GLI3: variants seen among roughly 807,000 people sequenced by gnomAD.
The protein encoded by GLI3 is transcription activator GLI3.
Under a neutral mutation model 100.8 loss-of-function variants are expected in GLI3, and 20 were observed. The ratio of observed to expected loss-of-function variants is 0.20; its 90% CI spans 0.14 to 0.29. GLI3 has a LOEUF of 0.29. Ranked by LOEUF, GLI3 falls within the 10% of genes least tolerant of loss-of-function variation. The probability of loss-of-function intolerance (pLI) is 1.00; values close to 1 mark genes in which losing one functional copy is unlikely to be tolerated. For missense variants in GLI3, 2,040 were observed against 2,128.5 expected (o/e 0.96, Z 0.82); for synonymous variants, 938 against 860.5 (o/e 1.09, Z -1.58).
intron 2 of GLI3, among the ~76,000 whole-genome samples, chr7:42,215,105 CA>C (rs1171678769): frequency 6.6e-6 from 1 of 151,980 alleles, no homozygotes; most frequent in Non-Finnish European, 1.5e-5. Context: ...TGCTTTCTAT[CA>C]TTACTGGGGA....
intron 4 of GLI3, among the ~76,000 whole-genome samples, chr7:42,064,869 C>CT (rs1784643307): frequency 6.6e-6 from 1 of 152,150 alleles, no homozygotes; most frequent in South Asian, 2.1e-4. Flanking sequence ...TGTTTATTTG[C>CT]TAAATGGAAC....
At chr7:42,098,944 G>C (rs1410481976) in intron 3 of GLI3, among the ~76,000 whole-genome samples, 1 of 152,116 alleles carries the variant, frequency 6.6e-6, no homozygotes, top group Non-Finnish European at 1.5e-5. Flanking sequence ...GACCCTTGTG[G>C]GTGATCCTAA....
chr7:42,134,845 GA>G (rs1406236903), intron 3 of GLI3, among the ~76,000 whole-genome samples: 1 of 152,052 alleles, frequency 6.6e-6, no homozygotes, highest in Non-Finnish European at 1.5e-5. Flanking sequence ...ATAAATTAAT[GA>G]AAGTCAGGCA....
intron 6 of GLI3, among the ~76,000 whole-genome samples, chr7:42,043,978 G>A (rs1486897510): frequency 6.6e-6 from 1 of 152,132 alleles, no homozygotes; most frequent in African/African-American, 2.4e-5. Flanking sequence ...TGAAGAAGAC[G>A]TAACACATTT....
intron 2 of GLI3, among the ~76,000 whole-genome samples, chr7:42,187,626 A>C (rs1248392801): frequency 6.6e-6 from 1 of 152,206 alleles, no homozygotes. Context: ...TTATATGGAA[A>C]CAGCATCTTT....
intron 8 of GLI3, 66 bp downstream of exon 8, chr7:42,026,133 A>G: frequency 2.0e-6 from 2 of 1,008,208 alleles, no homozygotes; most frequent in Non-Finnish European, 3.1e-6. Context: ...TTAACAGCTG[A>G]CGTGGTGGCC....
intron 3 of GLI3, among the ~76,000 whole-genome samples, chr7:42,090,453 T>C (rs1194312899): frequency 6.6e-6 from 1 of 152,232 alleles, no homozygotes; most frequent in Admixed American, 6.5e-5. Context: ...AGGCAGCACA[T>C]GACTGTACCC....
chr7:42,087,731 A>G (rs1200227053), intron 3 of GLI3, among the ~76,000 whole-genome samples: 1 of 140,168 alleles, frequency 7.1e-6, no homozygotes, highest in Non-Finnish European at 1.6e-5. Flanking sequence ...TTTTTTTTTC[A>G]TCAATAACAT....
intron 10 of GLI3, among the ~76,000 whole-genome samples, chr7:41,979,641 G>C (rs1339746499): frequency 6.6e-6 from 1 of 152,176 alleles, no homozygotes; most frequent in African/African-American, 2.4e-5. Context: ...AACAGGTTGA[G>C]CATACTATTT....
At chr7:41,975,148 G>T (rs1271017337) in intron 12 of GLI3, among the ~76,000 whole-genome samples, 4 of 152,216 alleles carry the variant, frequency 2.6e-5, no homozygotes, top group Non-Finnish European at 5.9e-5. Context: ...AGTCCTGTCA[G>T]AGCTACGGTC....
At chr7:42,157,254 A>T (rs1787024494) in intron 2 of GLI3, among the ~76,000 whole-genome samples, 1 of 152,152 alleles carries the variant, frequency 6.6e-6, no homozygotes, top group Non-Finnish European at 1.5e-5. Flanking sequence ...CATTTGAGAA[A>T]CCCAAATGAA....
intron 3 of GLI3, among the ~76,000 whole-genome samples, chr7:42,084,901 C>CTTTTTTTTTTTTTTTTTT (rs747166719): frequency 2.1e-5 from 1 of 47,502 alleles, no homozygotes; most frequent in Non-Finnish European, 3.5e-5. Flanking sequence ...CATTTGGATT[C>CTTTTTTTTTTTTTTTTTT]TTTTTTTTTT....
chr7:42,005,823 C>T (rs1349333909), intron 10 of GLI3, among the ~76,000 whole-genome samples: 3 of 152,160 alleles, frequency 2.0e-5, no homozygotes, highest in African/African-American at 7.2e-5. Context: ...AGACAGGGTT[C>T]CCCTTGGAGT....
intron 2 of GLI3, among the ~76,000 whole-genome samples, chr7:42,184,002 C>T (rs1470485492): frequency 1.3e-5 from 2 of 152,184 alleles, no homozygotes; most frequent in East Asian, 1.9e-4. Flanking sequence ...CATGTCTCTG[C>T]CTCAGTTCCC....
chr7:41,990,150 CAAT>C (rs1787943539), intron 10 of GLI3, among the ~76,000 whole-genome samples: 1 of 149,414 alleles, frequency 6.7e-6, no homozygotes. Flanking sequence ...CACACACACA[CAAT>C]GACTATCCCT....
chr7:42,223,169 C>T lies in GLI3; in HGVS notation c.85G>A (p.Val29Met), dbSNP rs777203491. The T allele has an allele frequency of 1.2e-6, 2 of 1,613,960 alleles. No homozygotes were observed. Among genetic ancestry groups the T allele is most frequent in the African/African-American group, 1.3e-5 (1 of 75,034 alleles). ...CTGGAGGCAACGGCTTTCTCGCTCA[C>T]ATCTGTTCGAGTGGAGCACTTCACT... ...SIVKCSTRTD[V>M]SEKAVASSTT... The change falls in exon 2 of 15, where the codon GTG becomes ATG. Residue 29 changes from valine to methionine, a missense_variant. Transcript: ENST00000395925.
intron 10 of GLI3, among the ~76,000 whole-genome samples, chr7:42,012,279 C>T (rs78400144): frequency 9.9e-5 from 15 of 152,222 alleles, no homozygotes; most frequent in African/African-American, 2.4e-4. Context: ...GTACTGATAG[C>T]GACAAGCCTC....
chr7:42,045,567 AG>A, intron 5 of GLI3, 37 bp from the exon 6 acceptor site: 1 of 1,607,846 alleles, frequency 6.2e-7, no homozygotes, highest in African/African-American at 1.3e-5. Flanking sequence ...TACTAGCGAA[AG>A]AAGGTCAACT....
chr7:41,973,552 G>A (rs548152385), intron 12 of GLI3, among the ~76,000 whole-genome samples: 8 of 152,306 alleles, frequency 5.3e-5, no homozygotes, highest in Non-Finnish European at 1.0e-4. Context: ...GGATTTGTGA[G>A]TTTGTTCACT....
Sources: gnomAD v4.1 joint callset for allele counts (sites outside exome capture counted in the v4.1 genomes callset) on GRCh38, gnomAD v4.1.1 for gene constraint, MANE v1.5 for transcripts, NCBI Gene and HGNC (gene_info 2026-07-23, HGNC 2026-07-21) for gene names.